HK1: variants seen among roughly 807,000 people sequenced by gnomAD.
HK1 encodes the protein hexokinase 1.
HK1 carries 28 observed loss-of-function variants against 91.6 expected under a neutral mutation model. The ratio of observed to expected loss-of-function variants is 0.31; its 90% CI spans 0.23 to 0.42. HK1 has a LOEUF of 0.42. Ranked by LOEUF, HK1 falls within the 10% of genes least tolerant of loss-of-function variation. The probability of loss-of-function intolerance (pLI) is 1.00; values close to 1 mark genes in which losing one functional copy is unlikely to be tolerated. For missense variants in HK1, 770 were observed against 1,219.8 expected (o/e 0.63, Z 5.49); for synonymous variants, 430 against 468.1 (o/e 0.92, Z 1.05).
intron 1 of HK1, among the ~76,000 whole-genome samples, chr10:69,327,224 C>T (rs1489372780): frequency 1.3e-5 from 2 of 151,970 alleles, no homozygotes; most frequent in African/African-American, 4.8e-5. Context: ...ATCCTGACCT[C>T]AAGTGATCCA....
chr10:69,318,143 G>C, upstream of HK1: 1 of 985,458 alleles, frequency 1.0e-6, no homozygotes, highest in African/African-American at 1.7e-5. Flanking sequence ...GGTGCTCTGG[G>C]GTGTCGCTTT....
intron 3 of HK1, 40 bp from the exon 4 acceptor site, chr10:69,364,743 C>G (rs762733992): frequency 3.1e-6 from 5 of 1,613,808 alleles, no homozygotes; most frequent in Non-Finnish European, 4.2e-6. Context: ...AATGCTAAGC[C>G]TGCTTTGGGG....
At chr10:69,389,053 C>T in intron 13 of HK1, 144 bp from the exon 14 acceptor site, 1 of 706,502 alleles carries the variant, frequency 1.4e-6, no homozygotes, top group South Asian at 1.5e-5. Context: ...AAGGAACATT[C>T]ATTACCTTTT....
upstream of HK1, chr10:69,318,227 A>T (rs368447440): frequency 3.9e-4 from 387 of 985,424 alleles, 4 homozygotes; most frequent in South Asian, 0.016. Flanking sequence ...ACTGCCGCTG[A>T]AGACCCAGGT....
Position 69,369,164 on chromosome 10 carries a change from C to A in HK1, c.592-73C>A. 1 of 1,142,484 alleles carries A rather than the reference C, an allele frequency of 8.8e-7. No homozygotes were observed. The highest frequency in any genetic ancestry group is 1.2e-5 in the South Asian group (1 of 80,158). The allele number at this position is 1,142,484 out of a possible 1,614,324, so 70.8% of individuals were successfully genotyped here. A position where few individuals can be genotyped will look rare whatever the true frequency, so the allele number is the denominator to read the frequency against. ...GTTCTGAAAACGGGAGCACTTCTGC[C>A]AAGCGCTGTTAAGGTGTGTGATCTC... On this transcript the variant is annotated intron_variant, in intron 5 of 17. Coordinates refer to ENST00000359426, the MANE Select transcript of HK1 (RefSeq NM_000188.3). The surrounding 1 kb of genome is among the most constrained non-coding windows in gnomAD (Gnocchi z 4.4).
Position 69,400,980 on chromosome 10 carries a change from G to A in HK1, c.2610-11G>A, listed in dbSNP as rs374278769. On this transcript the variant is annotated splice_polypyrimidine_tract_variant and intron_variant, in intron 17 of 17. Transcript: ENST00000359426. ...TCCTCCAACTACCTTCTGTTTTCTC[G>A]TCCTTTTTAGCTTCTCCAGAATCAT... The A allele has an allele frequency of 7.4e-6, 12 of 1,614,150 alleles. No individual in the cohort carries two copies. The highest frequency in any genetic ancestry group is 3.3e-5 in the Admixed American group (2 of 60,026).
intron 5 of HK1, 38 bp downstream of exon 5, chr10:69,368,669 G>C: frequency 6.6e-7 from 1 of 1,513,084 alleles, no homozygotes; most frequent in Non-Finnish European, 9.2e-7. Context: ...GCCATGCAGG[G>C]GTGTGGGGAG....
chr10:69,390,897 A>T (rs1214240731), intron 14 of HK1, among the ~76,000 whole-genome samples: 1 of 152,200 alleles, frequency 6.6e-6, no homozygotes, highest in African/African-American at 2.4e-5. Flanking sequence ...TTGGTTTTTA[A>T]ATGTCCAGTC....
intron 9 of HK1, among the ~76,000 whole-genome samples, chr10:69,382,244 AGCCGGGCGTG>A (rs1380440242): frequency 1.3e-5 from 2 of 152,170 alleles, no homozygotes; most frequent in Non-Finnish European, 2.9e-5. Flanking sequence ...CAAAAAAGTT[AGCCGGGCGTG>A]GCCCCAGCTA....
intron 4 of HK1, among the ~76,000 whole-genome samples, chr10:69,365,537 CCA>C (rs1428810246): frequency 6.6e-6 from 1 of 152,070 alleles, no homozygotes; most frequent in Non-Finnish European, 1.5e-5. Context: ...AAGACAGAAA[CCA>C]CACACACCAC....
chr10:69,284,027 A>AT (rs1023156832), intron 2 of HK1, among the ~76,000 whole-genome samples: 12 of 151,944 alleles, frequency 7.9e-5, no homozygotes, highest in Non-Finnish European at 1.2e-4. Flanking sequence ...GCCATCTATG[A>AT]TTTTTTCTTT....
chr10:69,289,622 C>T (rs1333441096), intron 3 of HK1, among the ~76,000 whole-genome samples: 2 of 151,292 alleles, frequency 1.3e-5, no homozygotes, highest in East Asian at 3.9e-4. Context: ...CAGGCGTGCG[C>T]CACCATGCCT....
intron 1 of HK1, among the ~76,000 whole-genome samples, chr10:69,321,119 A>T (rs1028824954): frequency 1.3e-5 from 2 of 152,158 alleles, no homozygotes; most frequent in African/African-American, 4.8e-5. Flanking sequence ...TTCACCACGG[A>T]CTTCCTATGC....
chr10:69,395,135 C>T, intron 16 of HK1, 30 bp downstream of exon 16: 1 of 1,609,886 alleles, frequency 6.2e-7, no homozygotes, highest in Non-Finnish European at 8.5e-7. Flanking sequence ...CCTGCCAGCG[C>T]CCACCCTTCA....
intron 2 of HK1, among the ~76,000 whole-genome samples, chr10:69,345,653 G>T (rs753840520): frequency 6.6e-6 from 1 of 152,112 alleles, no homozygotes; most frequent in Non-Finnish European, 1.5e-5. Flanking sequence ...CTGGCCCTGT[G>T]TGACTGGCTC....
At chr10:69,375,623 G>A (rs1839056423) in intron 7 of HK1, among the ~76,000 whole-genome samples, 1 of 152,188 alleles carries the variant, frequency 6.6e-6, no homozygotes, top group South Asian at 2.1e-4. Context: ...TGGCTTCTGG[G>A]CGGCTCTGGT....
chr10:69,392,641 G>T (rs957221164), intron 15 of HK1, among the ~76,000 whole-genome samples: 6 of 152,184 alleles, frequency 3.9e-5, no homozygotes, highest in Admixed American at 3.9e-4. Context: ...GGGTGGCTGG[G>T]CGGCAGGTTG....
chr10:69,292,739 C>T (rs1308391579), intron 3 of HK1, among the ~76,000 whole-genome samples: 14 of 152,148 alleles, frequency 9.2e-5, no homozygotes, highest in Non-Finnish European at 8.8e-5. Flanking sequence ...CCCCAGTTTT[C>T]CCCCAACCTC....
intron 2 of HK1, among the ~76,000 whole-genome samples, chr10:69,351,995 A>ATT (rs201899030): frequency 4.8e-5 from 7 of 145,694 alleles, no homozygotes; most frequent in Non-Finnish European, 7.6e-5. Context: ...AGTTATTTCA[A>ATT]TTTTTTTTTT....
Sources: allele counts gnomAD v4.1 joint callset (sites outside exome capture counted in the v4.1 genomes callset), GRCh38; gene constraint gnomAD v4.1.1; non-coding constraint Gnocchi (gnomAD v3.1); transcripts MANE v1.5; gene names NCBI Gene and HGNC (gene_info 2026-07-23, HGNC 2026-07-21).